The following FCRL2 variants were observed in gnomAD, a reference collection of about 807,000 sequenced individuals.
FCRL2 encodes the protein Fc receptor like 2.
FCRL2 carries 48 observed loss-of-function variants against 59.8 expected under a neutral mutation model. The observed-to-expected ratio is 0.80, with a 90% CI of 0.64 to 1.02. FCRL2 has a LOEUF of 1.02. FCRL2 is among the 50% of genes least tolerant of loss of function. The pLI is 0.00. For synonymous variants in FCRL2, 251 were observed against 229.5 expected, an observed-to-expected ratio of 1.09 and a Z score of -0.85; for missense variants, 658 against 597.3, an observed-to-expected ratio of 1.10 and a Z score of -1.06.
At chr1:157,770,815 C>T in intron 2 of FCRL2, 149 bp from the exon 3 acceptor site, 2 of 861,902 alleles carry the variant, frequency 2.3e-6, no homozygotes, top group East Asian at 2.7e-5. Flanking sequence ...AGAGTTTCAT[C>T]CCATGTTTCC....
chr1:157,765,254 A>T (rs1571279432), intron 7 of FCRL2, among the ~76,000 whole-genome samples: 1 of 152,330 alleles, frequency 6.6e-6, no homozygotes, highest in East Asian at 1.9e-4. Flanking sequence ...GCAGAAATAG[A>T]AAACCTGAAT....
intron 4 of FCRL2, chr1:157,769,586 C>T (rs1649818801): frequency 3.7e-6 from 1 of 267,730 alleles, no homozygotes; most frequent in East Asian, 8.1e-5. Flanking sequence ...CCCCACCAAG[C>T]CCAGCTAATT....
chr1:157,768,887 G>A, intron 4 of FCRL2, 186 bp from the exon 5 acceptor site: 1 of 631,772 alleles, frequency 1.6e-6, no homozygotes. Context: ...AAAGACATTT[G>A]AATGTCCTAA....
intron 2 of FCRL2, among the ~76,000 whole-genome samples, chr1:157,773,774 C>A (rs1650201868): frequency 6.6e-6 from 1 of 152,138 alleles, no homozygotes; most frequent in Non-Finnish European, 1.5e-5. Flanking sequence ...GAGTCAGAGG[C>A]CCTAGAAGGG....
At chr1:157,754,764 G>A (rs1262113988) in intron 7 of FCRL2, among the ~76,000 whole-genome samples, 3 of 151,944 alleles carry the variant, frequency 2.0e-5, no homozygotes, top group African/African-American at 2.4e-5. Flanking sequence ...TCAAGAGTTC[G>A]AGACCAGCCC....
chr1:157,748,956 C>T lies in FCRL2; in HGVS notation c.1312G>A (p.Ala438Thr), dbSNP rs745484920. The T allele has an allele frequency of 8.1e-6, 13 of 1,613,644 alleles. No homozygotes were observed. The highest frequency in any genetic ancestry group is 1.1e-5 in the Non-Finnish European group (13 of 1,179,682). ...ESSATNEPRG[A>T]SRPNPQEFTY... ...AACTCTTGAGGATTTGGCCTGGAAG[C>T]CCCTCTGTGAGAAAGTGAATTAATT... Residue 438 changes from alanine to threonine, a missense_variant, in exon 9 of 12, where the codon GCT (alanine) becomes ACT (threonine). Transcript: ENST00000361516.
intron 7 of FCRL2, among the ~76,000 whole-genome samples, chr1:157,755,458 A>G (rs2101687127): frequency 6.6e-6 from 1 of 152,344 alleles, no homozygotes; most frequent in South Asian, 2.1e-4. Context: ...AACCCTTGAC[A>G]ATATCTATCA....
In FCRL2 at chr1:157,768,524, G is replaced by T; in HGVS notation, c.773C>A (p.Ala258Glu). The change falls in exon 5 of 12, where the codon GCA (alanine) becomes GAA (glutamate). Residue 258 changes from alanine (A) to glutamate (E), a missense_variant. Physicochemically the swap from Ala to Glu is moderately radical, Grantham distance 107. Coordinates refer to ENST00000361516, the MANE Select transcript of FCRL2 (RefSeq NM_030764.4). Reference sequence around the variant, plus strand: ...TTTCACAGCTGGGATCTCCAGCTCTGCTGACAGGGAACGCTGGGTTTTCTT... The same window carrying T: ...TTTCACAGCTGGGATCTCCAGCTCTTCTGACAGGGAACGCTGGGTTTTCTT... ...MGKKTQRSLS[A>E]ELEIPAVKES... 6.2e-7 allele frequency: 1 copy of T among 1,614,208 alleles called. No homozygotes were observed. The highest frequency in any genetic ancestry group is 8.5e-7 in the Non-Finnish European group (1 of 1,180,040).
intron 8 of FCRL2, 121 bp downstream of exon 8, chr1:157,749,529 A>G (rs1428491627): frequency 2.9e-6 from 2 of 686,292 alleles, no homozygotes; most frequent in Admixed American, 2.5e-5. Flanking sequence ...TAAGTATTAT[A>G]GAAAGATACC....
intron 2 of FCRL2, chr1:157,774,489 A>G (rs1185759517): frequency 4.4e-6 from 2 of 455,874 alleles, no homozygotes; most frequent in Non-Finnish European, 8.8e-6. Context: ...ACTTCTGAAG[A>G]ACATCTCAGT....
At chr1:157,757,944 AGAGT>A (rs1418594615) in intron 7 of FCRL2, among the ~76,000 whole-genome samples, 1 of 152,246 alleles carries the variant, frequency 6.6e-6, no homozygotes, top group Non-Finnish European at 1.5e-5. Context: ...CCTGGGTGAC[AGAGT>A]GAGACTGCGT....
intron 7 of FCRL2, among the ~76,000 whole-genome samples, chr1:157,760,691 GAAAGAAGGAAA>G (rs1648972290): frequency 2.4e-5 from 3 of 122,768 alleles, no homozygotes; most frequent in African/African-American, 3.5e-5. Flanking sequence ...AAGAAAGAAA[GAAAGAAGGAAA>G]GAAAGAAAGA....
intron 7 of FCRL2, among the ~76,000 whole-genome samples, chr1:157,754,012 T>C (rs1250047071): frequency 6.6e-6 from 1 of 151,280 alleles, no homozygotes; most frequent in East Asian, 1.9e-4. Context: ...AATAATGAAA[T>C]AGCTATCTGA....
At chr1:157,771,282 C>G (rs1421041671) in intron 2 of FCRL2, among the ~76,000 whole-genome samples, 1 of 152,260 alleles carries the variant, frequency 6.6e-6, no homozygotes, top group East Asian at 1.9e-4. Context: ...ATCGGTGACA[C>G]CACACAGGGA....
intron 7 of FCRL2, among the ~76,000 whole-genome samples, chr1:157,754,463 A>G (rs1328663046): frequency 6.6e-6 from 1 of 152,146 alleles, no homozygotes; most frequent in Non-Finnish European, 1.5e-5. Context: ...GGCAACAAGG[A>G]ACCCTTGGGG....
At chr1:157,760,142 A>C (rs1648907426) in intron 7 of FCRL2, among the ~76,000 whole-genome samples, 1 of 152,248 alleles carries the variant, frequency 6.6e-6, no homozygotes, top group Admixed American at 6.5e-5. Flanking sequence ...CTTTGCAGCA[A>C]CATGGATGGA....
intron 3 of FCRL2, 57 bp downstream of exon 3, chr1:157,770,352 C>A: frequency 6.3e-7 from 1 of 1,581,896 alleles, no homozygotes; most frequent in Non-Finnish European, 8.6e-7. Flanking sequence ...CAGTACCCAC[C>A]CTGCCTTGCT....
intron 7 of FCRL2, among the ~76,000 whole-genome samples, chr1:157,760,698 G>GGAAGGAAAGAAA (rs1553203601): frequency 4.1e-5 from 4 of 97,206 alleles, no homozygotes; most frequent in African/African-American, 1.4e-4. Flanking sequence ...AAAGAAAGAA[G>GGAAGGAAAGAAA]GAAAGAAAGA....
At chr1:157,746,920 G>T in intron 10 of FCRL2, 21 bp from the exon 11 acceptor site, 1 of 1,611,316 alleles carries the variant, frequency 6.2e-7, no homozygotes, top group Non-Finnish European at 8.5e-7. Context: ...AAAAGTAATA[G>T]TTCTGAGCTC....
Sources: allele counts gnomAD v4.1 joint callset (sites outside exome capture counted in the v4.1 genomes callset), GRCh38; gene constraint gnomAD v4.1.1; transcripts MANE v1.5; gene names NCBI Gene and HGNC (gene_info 2026-07-23, HGNC 2026-07-21).